DPP10: variants seen among roughly 807,000 people sequenced by gnomAD.
DPP10 encodes dipeptidyl peptidase like 10, also known as inactive dipeptidyl peptidase 10.
A neutral mutation model predicts 120.9 loss-of-function variants in DPP10; 33 were observed. That is an observed-to-expected ratio of 0.27 (90% CI 0.21 to 0.37). DPP10 has a LOEUF of 0.37. Ranked by LOEUF, DPP10 falls within the 10% of genes least tolerant of loss-of-function variation. The pLI, the probability that DPP10 is intolerant of heterozygous loss-of-function variation, is 1.00. For synonymous variants in DPP10, 337 were observed against 326.1 expected (o/e 1.03, Z -0.36); for missense variants, 816 against 942.8 (o/e 0.87, Z 1.76).
chr2:115,116,520 A>T (rs1032364497), intron 1 of DPP10, among the ~76,000 whole-genome samples: 45 of 152,306 alleles, frequency 3.0e-4, no homozygotes, highest in Admixed American at 9.2e-4. Flanking sequence ...TCAAACTGTG[A>T]TGTGCATATT....
At chr2:115,713,107 T>A (rs185577316) in intron 7 of DPP10, among the ~76,000 whole-genome samples, 378 of 152,000 alleles carry the variant, frequency 2.5e-3, no homozygotes, top group Middle Eastern at 0.01. Context: ...GATTTTTTTA[T>A]GAAGAAGTAG....
chr2:114,907,051 C>G (rs2106635058), intron 1 of DPP10, among the ~76,000 whole-genome samples: 1 of 152,006 alleles, frequency 6.6e-6, no homozygotes, highest in South Asian at 2.1e-4. Context: ...TTGAATCAGT[C>G]TTGGTAGTTT....
At chr2:115,622,682 A>C (rs1220148600) in intron 5 of DPP10, among the ~76,000 whole-genome samples, 2 of 151,818 alleles carry the variant, frequency 1.3e-5, no homozygotes, top group Non-Finnish European at 2.9e-5. Flanking sequence ...GCAATATCTG[A>C]GGATCCCAAT....
chr2:114,604,993 T>A (rs1692671912), intron 1 of DPP10, among the ~76,000 whole-genome samples: 1 of 152,132 alleles, frequency 6.6e-6, no homozygotes, highest in Non-Finnish European at 1.5e-5. Context: ...TGAGCATCTC[T>A]TCTGTTGAAT....
chr2:115,732,783 A>C (rs1200592544), intron 8 of DPP10, among the ~76,000 whole-genome samples: 1 of 152,154 alleles, frequency 6.6e-6, no homozygotes, highest in African/African-American at 2.4e-5. Flanking sequence ...TTACAGATAT[A>C]TTTTAGAACC....
chr2:115,255,859 A>C (rs2058962327), intron 1 of DPP10, among the ~76,000 whole-genome samples: 1 of 152,164 alleles, frequency 6.6e-6, no homozygotes, highest in Admixed American at 6.5e-5. Context: ...ACCTTCCCAC[A>C]TCTTCCTGTC....
intron 1 of DPP10, among the ~76,000 whole-genome samples, chr2:114,763,837 G>C (rs181061950): frequency 6.6e-5 from 10 of 152,204 alleles, no homozygotes; most frequent in African/African-American, 2.4e-4. Flanking sequence ...TGGAAGTCTT[G>C]AAAACTCTTT....
At chr2:114,854,196 T>C (rs1221184911) in intron 1 of DPP10, among the ~76,000 whole-genome samples, 2 of 152,182 alleles carry the variant, frequency 1.3e-5, no homozygotes, top group Middle Eastern at 3.2e-3. Context: ...AATGCCTCAC[T>C]CCTAAAACTG....
At chr2:115,621,210 A>G (rs1257308349) in intron 5 of DPP10, among the ~76,000 whole-genome samples, 1 of 152,184 alleles carries the variant, frequency 6.6e-6, no homozygotes, top group African/African-American at 2.4e-5. Context: ...TCATTTTTGG[A>G]TACTATTGCC....
At chr2:115,400,768 C>G (rs2068016317) in intron 3 of DPP10, among the ~76,000 whole-genome samples, 1 of 152,150 alleles carries the variant, frequency 6.6e-6, no homozygotes. Flanking sequence ...GCAAGAGTTG[C>G]AAGTTAGAGG....
At chr2:114,670,434 A>G (rs1262971250) in intron 1 of DPP10, among the ~76,000 whole-genome samples, 1 of 152,150 alleles carries the variant, frequency 6.6e-6, no homozygotes, top group African/African-American at 2.4e-5. Flanking sequence ...GCAAGGACAA[A>G]AAACCAAACA....
chr2:115,025,760 T>A (rs1361924285), intron 1 of DPP10, among the ~76,000 whole-genome samples: 1 of 152,132 alleles, frequency 6.6e-6, no homozygotes, highest in Admixed American at 6.5e-5. Flanking sequence ...TCAGTGATGT[T>A]GAGCTTTTTT....
intron 3 of DPP10, among the ~76,000 whole-genome samples, chr2:115,475,084 A>G (rs1180720844): frequency 6.6e-6 from 1 of 152,174 alleles, no homozygotes; most frequent in African/African-American, 2.4e-5. Context: ...TGCATAAGTA[A>G]TGAGGAACCA....
intron 3 of DPP10, among the ~76,000 whole-genome samples, chr2:115,402,858 T>A (rs1036695290): frequency 0.039 from 2,976 of 77,200 alleles, 134 homozygotes; most frequent in African/African-American, 0.092. Context: ...AAAAAAAATA[T>A]ATATATATAT....
intron 1 of DPP10, among the ~76,000 whole-genome samples, chr2:114,661,944 T>C (rs1211302832): frequency 4.6e-5 from 7 of 152,008 alleles, no homozygotes; most frequent in East Asian, 1.9e-4. Flanking sequence ...CTTTATGAAC[T>C]TGGGCTCTCC....
At chr2:115,041,304 A>G (rs540883238) in intron 1 of DPP10, among the ~76,000 whole-genome samples, 2 of 152,192 alleles carry the variant, frequency 1.3e-5, no homozygotes, top group African/African-American at 4.8e-5. Context: ...CGATGATGCA[A>G]TTTAACTAAA....
At chr2:115,160,624 C>T (rs137940976) in intron 1 of DPP10, among the ~76,000 whole-genome samples, 86 of 152,280 alleles carry the variant, frequency 5.6e-4, no homozygotes, top group East Asian at 4.1e-3. Flanking sequence ...GCCATTTCTC[C>T]GGTAAGCAAT....
chr2:115,567,271 A>T (rs1017341921), intron 5 of DPP10, among the ~76,000 whole-genome samples: 13 of 152,136 alleles, frequency 8.5e-5, no homozygotes, highest in African/African-American at 3.1e-4. Flanking sequence ...TAATAAAGGA[A>T]TTGTCACCGC....
intron 3 of DPP10, among the ~76,000 whole-genome samples, chr2:115,404,278 A>C (rs1413437884): frequency 6.6e-6 from 1 of 152,108 alleles, no homozygotes; most frequent in African/African-American, 2.4e-5. Context: ...CATACTTTTA[A>C]ATGACCACAT....
Sources: gnomAD v4.1 joint callset for allele counts (sites outside exome capture counted in the v4.1 genomes callset) on GRCh38, gnomAD v4.1.1 for gene constraint, MANE v1.5 for transcripts, NCBI Gene and HGNC (gene_info 2026-07-23, HGNC 2026-07-21) for gene names.